The following ZNF385D variants were observed in gnomAD, a reference collection of about 807,000 sequenced individuals.
ZNF385D encodes zinc finger protein 385D.
ZNF385D carries 15 observed loss-of-function variants against 35.8 expected under a neutral mutation model. The observed-to-expected ratio is 0.42, with a 90% confidence interval of 0.28 to 0.64. The LOEUF (loss-of-function observed/expected upper bound fraction) is 0.64, where lower values mean the gene tolerates loss of function less well. Among genes scored for constraint, ZNF385D ranks in the 30% least tolerant of loss-of-function variants. The pLI is 0.23. For missense variants in ZNF385D, 474 were observed against 494.6 expected, an observed-to-expected ratio of 0.96 and a Z score of 0.39; for synonymous variants, 212 against 186.8, an observed-to-expected ratio of 1.13 and a Z score of -1.10.
chr3:22,148,859 A>G lies in ZNF385D; in HGVS notation c.325+19958T>C, dbSNP rs114376513. Among the ~76,000 whole-genome samples, 433 of 152,300 alleles carry G rather than the reference A, an allele frequency of 2.8e-3. 1 individual carries two copies. Among genetic ancestry groups the G allele is most frequent in the Non-Finnish European group, 4.7e-3 (321 of 68,020 alleles). On this transcript the variant is annotated intron_variant, in intron 3 of 5. Coordinates refer to the ZNF385D transcript ENST00000494108. ...AGAAGTATTAAATTGCTTCCTAAAG[A>G]AAGATAGACGAAACCTACATACAAC... is the stretch of plus-strand genomic sequence containing the variant.
At chr3:22,186,765 A>G (rs1008255548) in intron 2 of ZNF385D, among the ~76,000 whole-genome samples, 1 of 152,192 alleles carries the variant, frequency 6.6e-6, no homozygotes, top group Admixed American at 6.6e-5. Flanking sequence ...GTCTTGTTCA[A>G]AAGAAGTATT....
intron 3 of ZNF385D, among the ~76,000 whole-genome samples, chr3:22,102,550 A>G (rs1559370240): frequency 1.3e-5 from 2 of 152,028 alleles, no homozygotes; most frequent in African/African-American, 4.8e-5. Flanking sequence ...GAGTTCTGAG[A>G]ATCCCCCAGG....
At chr3:21,701,283 C>T (rs929527139) in intron 1 of ZNF385D, among the ~76,000 whole-genome samples, 4 of 120,398 alleles carry the variant, frequency 3.3e-5, no homozygotes, top group African/African-American at 1.3e-4. Flanking sequence ...GCACTTCTTA[C>T]ATGTTGGTGG....
At chr3:21,875,956 C>T (rs1404925321) in intron 3 of ZNF385D, among the ~76,000 whole-genome samples, 3 of 152,090 alleles carry the variant, frequency 2.0e-5, no homozygotes, top group African/African-American at 7.2e-5. Context: ...ATTGCTGTGA[C>T]ATTCACATGT....
intron 3 of ZNF385D, among the ~76,000 whole-genome samples, chr3:21,974,085 G>A (rs1459817852): frequency 1.3e-5 from 2 of 151,832 alleles, no homozygotes; most frequent in Non-Finnish European, 2.9e-5. Context: ...AAATGTATAT[G>A]GAACCACAAA....
chr3:21,652,845 A>G lies in ZNF385D; in HGVS notation c.165+12041T>C, dbSNP rs1448631451. Reference sequence around the variant, plus strand: ...AAGCTTTCTAAAATACAAAAGCTATATAGATGATATACTAAATAACAATGT... The same window carrying G: ...AAGCTTTCTAAAATACAAAAGCTATGTAGATGATATACTAAATAACAATGT... On this transcript the variant is annotated intron_variant, in intron 2 of 7. Coordinates refer to ENST00000281523, the MANE Select transcript of ZNF385D (RefSeq NM_024697.3). Among the ~76,000 whole-genome samples the G allele has an allele frequency of 2.6e-5, 4 of 152,234 alleles. No individual in the cohort carries two copies. In the East Asian group the frequency reaches 7.7e-4, roughly 29 times the overall value.
chr3:22,040,717 A>G (rs1698611630), intron 3 of ZNF385D, among the ~76,000 whole-genome samples: 1 of 152,162 alleles, frequency 6.6e-6, no homozygotes, highest in South Asian at 2.1e-4. Context: ...AACACAGAAA[A>G]GACTATCTTA....
intron 3 of ZNF385D, among the ~76,000 whole-genome samples, chr3:21,996,986 T>G (rs552504500): frequency 3.3e-4 from 51 of 152,296 alleles, no homozygotes; most frequent in African/African-American, 1.1e-3. Context: ...TTTAGTTTTT[T>G]GAGAGATTAA....
At chr3:22,029,022 G>A (rs578159627) in intron 3 of ZNF385D, among the ~76,000 whole-genome samples, 2 of 152,230 alleles carry the variant, frequency 1.3e-5, no homozygotes, top group South Asian at 2.1e-4. Flanking sequence ...ATCATCCCTA[G>A]TGATCCACTA....
intron 1 of ZNF385D, among the ~76,000 whole-genome samples, chr3:21,731,535 C>G (rs1172252952): frequency 6.6e-6 from 1 of 152,136 alleles, no homozygotes; most frequent in Non-Finnish European, 1.5e-5. Context: ...AGTACGTTAA[C>G]ATTAAGGTTC....
chr3:21,627,246 G>GGT (rs55918045), intron 2 of ZNF385D, among the ~76,000 whole-genome samples: 33,265 of 139,140 alleles, frequency 0.24, 3,928 homozygotes, highest in African/African-American at 0.31. Context: ...AGAGGTGTAG[G>GGT]GTGTGTGTGT....
In ZNF385D at chr3:22,086,180, A is replaced by G. The variant is rs183359208; in HGVS notation, c.325+82637T>C. ...CTGTCTCTCACCACTCCTATTCAAC[A>G]TAGTGTTGGAAGTTCTGGCCAGGGC... On this transcript the variant is annotated intron_variant, in intron 3 of 5. Transcript: ENST00000494108. Among the ~76,000 whole-genome samples, 1,016 of 152,302 alleles carry G rather than the reference A, an allele frequency of 6.7e-3. 14 individuals are homozygous for G. Among genetic ancestry groups the G allele is most frequent in the African/African-American group, 0.023 (954 of 41,552 alleles).
intron 4 of ZNF385D, among the ~76,000 whole-genome samples, chr3:21,457,266 A>T (rs1441400692): frequency 6.6e-6 from 1 of 152,194 alleles, no homozygotes; most frequent in Non-Finnish European, 1.5e-5. Context: ...AGAATTTTTC[A>T]TCTCTTTAAA....
intron 2 of ZNF385D, among the ~76,000 whole-genome samples, chr3:22,290,071 T>G (rs867746280): frequency 6.6e-6 from 1 of 152,142 alleles, no homozygotes; most frequent in Non-Finnish European, 1.5e-5. Flanking sequence ...AACTGCTACA[T>G]TGTTTTGTGT....
At chr3:22,341,887 A>G (rs569747979) in intron 2 of ZNF385D, among the ~76,000 whole-genome samples, 4 of 152,330 alleles carry the variant, frequency 2.6e-5, no homozygotes, top group Non-Finnish European at 5.9e-5. Flanking sequence ...GGTGCTCAGT[A>G]AATTTGAGCT....
At chr3:22,238,252 T>C (rs921534518) in intron 2 of ZNF385D, among the ~76,000 whole-genome samples, 1 of 151,138 alleles carries the variant, frequency 6.6e-6, no homozygotes, top group South Asian at 2.2e-4. Flanking sequence ...CTTCCAACTT[T>C]GCTTTTTTGG....
chr3:21,946,085 C>T (rs990659175), intron 3 of ZNF385D, among the ~76,000 whole-genome samples: 4 of 152,108 alleles, frequency 2.6e-5, no homozygotes, highest in African/African-American at 9.7e-5. Flanking sequence ...ATCAATTCAC[C>T]AAATGTATTT....
At chr3:21,912,349 A>T (rs1700002331) in intron 3 of ZNF385D, among the ~76,000 whole-genome samples, 1 of 149,172 alleles carries the variant, frequency 6.7e-6, no homozygotes, top group Non-Finnish European at 1.5e-5. Flanking sequence ...TTTCTAGTGG[A>T]CTTCTGGGGA....
chr3:21,485,496 G>T (rs530605820), intron 4 of ZNF385D, among the ~76,000 whole-genome samples: 1 of 152,048 alleles, frequency 6.6e-6, no homozygotes, highest in South Asian at 2.1e-4. Context: ...GAATGCCTTG[G>T]CACTCTTTTC....
Sources: allele counts gnomAD v4.1 joint callset (sites outside exome capture counted in the v4.1 genomes callset), GRCh38; gene constraint gnomAD v4.1.1; transcripts MANE v1.5; gene names NCBI Gene and HGNC (gene_info 2026-07-23, HGNC 2026-07-21).